Variants in RPS6KA2 observed in about 807,000 individuals in gnomAD.
RPS6KA2 encodes the protein ribosomal protein S6 kinase A2.
In RPS6KA2, 42 loss-of-function variants were observed where a neutral mutation model predicts 91.8. The observed-to-expected ratio is 0.46, with a 90% CI of 0.36 to 0.59. RPS6KA2 has a LOEUF of 0.59. RPS6KA2 is among the 20% of genes least tolerant of loss of function. The pLI is 0.00. For synonymous variants in RPS6KA2, 414 were observed against 393.6 expected (o/e 1.05, Z -0.61); for missense variants, 798 against 978.5 (o/e 0.82, Z 2.46).
intron 2 of RPS6KA2, chr6:166,702,353 G>A (rs887844584): frequency 1.2e-4 from 186 of 1,610,924 alleles, no homozygotes; most frequent in African/African-American, 8.0e-5. Context: ...TTGCTGGGTG[G>A]CCATTTCATC....
chr6:166,634,570 C>A lies in RPS6KA2; in HGVS notation c.124-95786G>T, dbSNP rs570248505. Reference sequence around the variant, plus strand: ...GACCACAAACATGGAAAAACAAAGACATGTGTAAATTATGTGAGATGAGAA... The same window carrying A: ...GACCACAAACATGGAAAAACAAAGAAATGTGTAAATTATGTGAGATGAGAA... On this transcript the variant is annotated intron_variant, in intron 2 of 21. Transcript: ENST00000503859. 1.4e-3 allele frequency among the ~76,000 whole-genome samples: 207 copies of A among 152,306 alleles called. 1 individual carries two copies. The highest frequency in any genetic ancestry group is 4.8e-3 in the African/African-American group (200 of 41,564).
chr6:166,468,850 C>A (rs1399809485), intron 11 of RPS6KA2, among the ~76,000 whole-genome samples: 2 of 56,662 alleles, frequency 3.5e-5, no homozygotes, highest in Non-Finnish European at 5.5e-5. Flanking sequence ...GGCGACAGAG[C>A]GAGACTAAAA....
rs532995443 is a variant in RPS6KA2, at chr6:166,524,470, T to C, written c.298+6762A>G. On this transcript the variant is annotated intron_variant, in intron 3 of 20. Transcript: ENST00000265678. ...TGCAGGCACCGGCCATCTTTAGTCA[T>C]GAACATGATCACAGGCCTTTCATAT... 4.6e-5 allele frequency among the ~76,000 whole-genome samples: 7 copies of C among 152,204 alleles called. No homozygotes were observed. In the South Asian group the frequency reaches 1.2e-3, roughly 27 times the overall value.
intron 1 of RPS6KA2, among the ~76,000 whole-genome samples, chr6:166,547,466 G>T (rs1783864039): frequency 1.3e-5 from 2 of 152,234 alleles, no homozygotes; most frequent in African/African-American, 4.8e-5. Context: ...CAGTGGTGCT[G>T]GTGCCCAACT....
chr6:166,506,674 A>G (rs931590762), intron 5 of RPS6KA2, among the ~76,000 whole-genome samples: 4 of 152,134 alleles, frequency 2.6e-5, no homozygotes, highest in African/African-American at 9.7e-5. Context: ...CAGGGCAGCC[A>G]TGGTCTCTGG....
At position 166,459,930 on chromosome 6, in the gene RPS6KA2, C is replaced by A. The variant is rs184426842; in HGVS notation, c.973-379G>T. 6.6e-3 allele frequency among the ~76,000 whole-genome samples: 1,009 copies of A among 152,310 alleles called. 17 individuals carry two copies. Among genetic ancestry groups the A allele is most frequent in the African/African-American group, 0.023 (950 of 41,564 alleles). On this transcript the variant is annotated intron_variant, in intron 11 of 20. Coordinates refer to ENST00000265678, the MANE Select transcript of RPS6KA2 (RefSeq NM_021135.6). The surrounding 1 kb of genome is among the most constrained non-coding windows in gnomAD (Gnocchi z 4.9). ...ATACAGGACAGCCACCACTTGCCCC[C>A]ACTGGGGACAGCAGTGAAGAGGCCG...
In RPS6KA2 at chr6:166,579,921, C is replaced by T. The variant is rs574330474; in HGVS notation, c.100-41137G>A. ...ACTAAATAATCTGAGGATAGTTCCTCTGTTATCCCAGCCAAAAAGAATAGG... is the reference window on the plus strand; with the variant it reads ...ACTAAATAATCTGAGGATAGTTCCTTTGTTATCCCAGCCAAAAAGAATAGG... On this transcript the variant is annotated intron_variant, in intron 1 of 20. Coordinates refer to ENST00000265678, the MANE Select transcript of RPS6KA2 (RefSeq NM_021135.6). 7.2e-5 allele frequency among the ~76,000 whole-genome samples: 11 copies of T among 152,348 alleles called. No individual in the cohort carries two copies. In the South Asian group the frequency reaches 2.3e-3, roughly 32 times the overall value.
At chr6:166,745,406 C>T (rs1054887117) in intron 2 of RPS6KA2, among the ~76,000 whole-genome samples, 7 of 152,156 alleles carry the variant, frequency 4.6e-5, no homozygotes, top group Non-Finnish European at 1.0e-4. Flanking sequence ...CCTGCCTTGG[C>T]CTCCCAAAGT....
chr6:166,458,666 G>T lies in RPS6KA2; in HGVS notation c.1075+783C>A, dbSNP rs549859384. Among the ~76,000 whole-genome samples, 8 of 152,292 alleles carry T rather than the reference G, an allele frequency of 5.3e-5. No individual in the cohort carries two copies. The South Asian group carries it at 1.5e-3, about 28-fold the overall frequency. On this transcript the variant is annotated intron_variant, in intron 12 of 20. Coordinates refer to ENST00000265678, the MANE Select transcript of RPS6KA2 (RefSeq NM_021135.6). ...TTTGCACACACAGAAGAAAGGCCAC[G>T]TGGGGACACAGCAAGAACACAGCTG...
intron 2 of RPS6KA2, among the ~76,000 whole-genome samples, chr6:166,750,952 A>G (rs1160004092): frequency 1.3e-5 from 2 of 152,162 alleles, no homozygotes; most frequent in East Asian, 3.9e-4. Context: ...GAGGGGACAA[A>G]TTCTATTTGC....
At chr6:166,570,901 T>C (rs1207277402) in intron 1 of RPS6KA2, among the ~76,000 whole-genome samples, 1 of 152,256 alleles carries the variant, frequency 6.6e-6, no homozygotes, top group Non-Finnish European at 1.5e-5. Flanking sequence ...ACTGTAATAG[T>C]GTTTAACCCA....
chr6:166,670,217 C>T (rs756863768), intron 2 of RPS6KA2, among the ~76,000 whole-genome samples: 4 of 152,258 alleles, frequency 2.6e-5, no homozygotes, highest in Non-Finnish European at 4.4e-5. Flanking sequence ...CATCCTTCAC[C>T]GGTCCGTGCG....
At chr6:166,805,850 T>C (rs779711085) in intron 2 of RPS6KA2, among the ~76,000 whole-genome samples, 2 of 152,108 alleles carry the variant, frequency 1.3e-5, no homozygotes, top group Non-Finnish European at 2.9e-5. Flanking sequence ...TAAAGATGCT[T>C]GAAGAACTAA....
chr6:166,582,225 C>T (rs573656240), intron 1 of RPS6KA2, among the ~76,000 whole-genome samples: 4 of 151,678 alleles, frequency 2.6e-5, no homozygotes, highest in Non-Finnish European at 4.4e-5. Context: ...GTGGGGTGAG[C>T]AGGAGGGCAC....
At chr6:166,811,222 G>A (rs142615969) in intron 2 of RPS6KA2, among the ~76,000 whole-genome samples, 13 of 152,218 alleles carry the variant, frequency 8.5e-5, no homozygotes, top group African/African-American at 2.4e-4. Flanking sequence ...GCACCCACTC[G>A]CTCTAGAGCC....
At chr6:166,791,293 T>G (rs1392382210) in intron 2 of RPS6KA2, among the ~76,000 whole-genome samples, 2 of 152,074 alleles carry the variant, frequency 1.3e-5, no homozygotes, top group Non-Finnish European at 2.9e-5. Flanking sequence ...GGTAAAGGGA[T>G]CAATTCAACA....
chr6:166,697,097 ATG>A (rs57348209), intron 2 of RPS6KA2, among the ~76,000 whole-genome samples: 42,940 of 151,550 alleles, frequency 0.28, 7,726 homozygotes, highest in African/African-American at 0.52. Context: ...ATGTGTGTAT[ATG>A]TGTGTGTGTA....
intron 2 of RPS6KA2, among the ~76,000 whole-genome samples, chr6:166,744,555 G>A (rs540691465): frequency 6.6e-6 from 1 of 152,332 alleles, no homozygotes; most frequent in Non-Finnish European, 1.5e-5. Flanking sequence ...AGGAGACTGC[G>A]CTGCAGCAGG....
At chr6:166,723,995 T>C (rs968791508) in intron 2 of RPS6KA2, among the ~76,000 whole-genome samples, 2 of 152,204 alleles carry the variant, frequency 1.3e-5, no homozygotes, top group Admixed American at 6.5e-5. Context: ...CCACTGTGCC[T>C]GGCCCCTGAG....
Sources: gnomAD v4.1 joint callset for allele counts (sites outside exome capture counted in the v4.1 genomes callset) on GRCh38, gnomAD v4.1.1 for gene constraint, Gnocchi (gnomAD v3.1) non-coding constraint, MANE v1.5 for transcripts, NCBI Gene and HGNC (gene_info 2026-07-23, HGNC 2026-07-21) for gene names.